TRIP13: variants seen among roughly 807,000 people sequenced by gnomAD.
The protein encoded by TRIP13 is thyroid hormone receptor interactor 13, also known as pachytene checkpoint protein 2 homolog.
In TRIP13, 25 loss-of-function variants were observed where a neutral mutation model predicts 54.4. That is an observed-to-expected ratio of 0.46 (90% CI 0.33 to 0.64). The LOEUF is 0.64. Ranked by LOEUF, TRIP13 falls within the 30% of genes least tolerant of loss-of-function variation. The probability of loss-of-function intolerance (pLI) is 0.02; values close to 1 mark genes in which losing one functional copy is unlikely to be tolerated. For synonymous variants in TRIP13, 207 were observed against 207.8 expected, an observed-to-expected ratio of 1.00 and a Z score of 0.03; for missense variants, 373 against 534.2, an observed-to-expected ratio of 0.70 and a Z score of 2.97.
rs554214323 is a variant in TRIP13, at chr5:911,585, A to T, written c.867-258A>T. ...GACTCTGTCTCAAAAAAAAAAAAAA[A>T]GGAAAGTGAGATCCTTGCCAAGGTT... On this transcript the variant is annotated intron_variant, in intron 9 of 12. Transcript: ENST00000166345. This position sits in a 1 kb window ranked among gnomAD's most constrained non-coding sequence, Gnocchi z 4.7. Among the ~76,000 whole-genome samples, 3 of 150,940 alleles carry T rather than the reference A, an allele frequency of 2.0e-5. No individual in the cohort carries two copies. The highest frequency in any genetic ancestry group is 7.3e-5 in the African/African-American group (3 of 41,178).
intron 12 of TRIP13, among the ~76,000 whole-genome samples, chr5:916,215 C>T (rs543738463): frequency 2.6e-5 from 4 of 152,350 alleles, no homozygotes; most frequent in Admixed American, 2.0e-4. Context: ...CACACATGCA[C>T]GTCTGCCTCT....
rs1386742165 is a variant in TRIP13, at chr5:907,402, G to A, written c.672+209G>A. Among the ~76,000 whole-genome samples, 2 of 152,220 alleles carry A rather than the reference G, an allele frequency of 1.3e-5. No homozygotes were observed. The highest frequency in any genetic ancestry group is 1.5e-5 in the Non-Finnish European group (1 of 68,036). ...TCTCCCCAGACCTGTGACTGGGTGGGACAGGACAATCGATGGACTCTCAGA... is the reference window on the plus strand; with the variant it reads ...TCTCCCCAGACCTGTGACTGGGTGGAACAGGACAATCGATGGACTCTCAGA... On this transcript the variant is annotated intron_variant, in intron 7 of 12. Transcript: ENST00000166345. The surrounding 1 kb of genome is among the most constrained non-coding windows in gnomAD (Gnocchi z 4.1).
At chr5:902,444 G>T (rs1369966020) in intron 5 of TRIP13, among the ~76,000 whole-genome samples, 1 of 152,186 alleles carries the variant, frequency 6.6e-6, no homozygotes. Flanking sequence ...GAAATAAGTT[G>T]TTTCTGTTTG....
intron 3 of TRIP13, 122 bp from the exon 4 acceptor site, chr5:900,372 A>T: frequency 1.1e-6 from 1 of 939,156 alleles, no homozygotes. Flanking sequence ...TGTAATCAGA[A>T]TCATAGTCTT....
At chr5:902,876 CAG>C (rs577290763) in intron 5 of TRIP13, among the ~76,000 whole-genome samples, 4 of 151,864 alleles carry the variant, frequency 2.6e-5, no homozygotes, top group Non-Finnish European at 5.9e-5. Flanking sequence ...GCAGCTGAGG[CAG>C]AGAGAGAGAA....
Position 912,660 on chromosome 5 carries a change from CAGTA to C in TRIP13, c.1020+667_1020+670del, listed in dbSNP as rs1430600017. 2.0e-5 allele frequency among the ~76,000 whole-genome samples: 3 copies of C among 151,492 alleles called. No individual in the cohort carries two copies. The highest frequency in any genetic ancestry group is 4.4e-5 in the Non-Finnish European group (3 of 67,916). ...AATGACATGTGCGGTGAGTGTGAGT[CAGTA>C]AGGCCGTCGCCATGGGCACAGTGAC... On this transcript the variant is annotated intron_variant, in intron 10 of 12. Coordinates refer to ENST00000166345, the MANE Select transcript of TRIP13 (RefSeq NM_004237.4). The surrounding 1 kb of genome is among the most constrained non-coding windows in gnomAD (Gnocchi z 7.2).
chr5:906,680 C>T (rs985915587), intron 6 of TRIP13, among the ~76,000 whole-genome samples: 2 of 152,110 alleles, frequency 1.3e-5, no homozygotes, highest in Non-Finnish European at 2.9e-5. Flanking sequence ...TTTCTGGGTT[C>T]CAGTCAGTCT....
In TRIP13 at chr5:895,016, G is replaced by C; in HGVS notation, c.258+64G>C. On this transcript the variant is annotated intron_variant, in intron 2 of 12. Transcript: ENST00000166345. ...GAATACAAAAGGTTGTATCATGAAT[G>C]TCTTGCCGTTTTCATAGCCTGTTGT... is the stretch of plus-strand genomic sequence containing the variant. 4.0e-6 allele frequency: 6 copies of C among 1,506,098 alleles called. No homozygotes were observed. The Admixed American group carries it at 6.4e-5, about 16-fold the overall frequency. 93.3% of individuals were successfully genotyped at this position (1,506,098 alleles called of 1,614,324 possible). A position where few individuals can be genotyped will look rare whatever the true frequency, so the allele number is the denominator to read the frequency against.
chr5:914,422 C>G lies in TRIP13; in HGVS notation c.1021-43C>G, dbSNP rs554362198. On this transcript the variant is annotated intron_variant, in intron 10 of 12. Transcript: ENST00000166345. Reference sequence around the variant, plus strand: ...CTTGCTGACGGTGCCTACGCTCAGGCCTCTGTGGACTCAGCTAACCGCCTG... The same window carrying G: ...CTTGCTGACGGTGCCTACGCTCAGGGCTCTGTGGACTCAGCTAACCGCCTG... 10 of 1,450,082 alleles carry G rather than the reference C, an allele frequency of 6.9e-6. No homozygotes were observed. The East Asian group carries it at 1.4e-4, about 20-fold the overall frequency. The allele number at this position is 1,450,082 out of a possible 1,614,324, so 89.8% of individuals were successfully genotyped here.
In TRIP13 at chr5:907,114, C is replaced by T. The variant is rs751935242; in HGVS notation, c.609-16C>T. 4.3e-6 allele frequency: 7 copies of T among 1,613,256 alleles called. No individual in the cohort carries two copies. Among genetic ancestry groups the T allele is most frequent in the African/African-American group, 2.7e-5 (2 of 75,004 alleles). Reference sequence around the variant, plus strand: ...GACCAGTTAGTAATTCTCTCAACTCCTTTTTTCTATCTCAGGTACCGATAT... The same window carrying T: ...GACCAGTTAGTAATTCTCTCAACTCTTTTTTTCTATCTCAGGTACCGATAT... On this transcript the variant is annotated splice_polypyrimidine_tract_variant and intron_variant, in intron 6 of 12. Coordinates refer to ENST00000166345, the MANE Select transcript of TRIP13 (RefSeq NM_004237.4). The surrounding 1 kb of genome is among the most constrained non-coding windows in gnomAD (Gnocchi z 4.1).
In TRIP13 at chr5:912,348, G is replaced by A. The variant is rs1754253459; in HGVS notation, c.1020+352G>A. 6.6e-6 allele frequency among the ~76,000 whole-genome samples: 1 copy of A among 152,110 alleles called. No homozygotes were observed. Among genetic ancestry groups the A allele is most frequent in the South Asian group, 2.1e-4 (1 of 4,812 alleles). On this transcript the variant is annotated intron_variant, in intron 10 of 12. Coordinates refer to ENST00000166345, the MANE Select transcript of TRIP13 (RefSeq NM_004237.4). This position sits in a 1 kb window ranked among gnomAD's most constrained non-coding sequence, Gnocchi z 7.2. Reference sequence around the variant, plus strand: ...TTTTCCAATGCCCTGCCTCTCGGGGGCCTGTATCCTTACCTGAAAGAGGAA... The same window carrying A: ...TTTTCCAATGCCCTGCCTCTCGGGGACCTGTATCCTTACCTGAAAGAGGAA...
In TRIP13 at chr5:904,227, T is replaced by C; in HGVS notation, c.608+7T>C. The C allele has an allele frequency of 6.2e-7, 1 of 1,605,826 alleles. No individual in the cohort carries two copies. The highest frequency in any genetic ancestry group is 8.5e-7 in the Non-Finnish European group (1 of 1,177,344). Reference sequence around the variant, plus strand: ...CAATTAGACTTTCAAGCAGGTAACTTTCGGTAATCTGTGAGAGGAGAGCCA... The same window carrying C: ...CAATTAGACTTTCAAGCAGGTAACTCTCGGTAATCTGTGAGAGGAGAGCCA... On this transcript the variant is annotated splice_region_variant and intron_variant, in intron 6 of 12. Coordinates refer to ENST00000166345, the MANE Select transcript of TRIP13 (RefSeq NM_004237.4).
chr5:893,214 C>A, intron 1 of TRIP13, 124 bp downstream of exon 1: 4 of 966,320 alleles, frequency 4.1e-6, no homozygotes, highest in Non-Finnish European at 6.0e-6. Context: ...CTGATCCGGC[C>A]CGACTGGACC....
chr5:896,556 T>C, intron 2 of TRIP13, 109 bp from the exon 3 acceptor site: 1 of 1,196,648 alleles, frequency 8.4e-7, no homozygotes, highest in African/African-American at 1.5e-5. Flanking sequence ...TAGCTTTGAT[T>C]ATACTGTACA....
At position 908,221 on chromosome 5, in the gene TRIP13, C is replaced by A. The variant is rs983526915; in HGVS notation, c.760-134C>A. 2.9e-6 allele frequency: 4 copies of A among 1,375,328 alleles called. No individual in the cohort carries two copies. The East Asian group carries it at 9.3e-5, about 32-fold the overall frequency. The allele number at this position is 1,375,328 out of a possible 1,614,324, so 85.2% of individuals were successfully genotyped here. ...TGCACTGTGCGCCTTTCCACCTTGC[C>A]GCAGCATCCGCAGGCTAGGCACGGG... is the stretch of plus-strand genomic sequence containing the variant. On this transcript the variant is annotated intron_variant, in intron 8 of 12. Coordinates refer to ENST00000166345, the MANE Select transcript of TRIP13 (RefSeq NM_004237.4). The surrounding 1 kb of genome is among the most constrained non-coding windows in gnomAD (Gnocchi z 5.2).
intron 6 of TRIP13, among the ~76,000 whole-genome samples, chr5:904,485 C>T (rs532410976): frequency 3.9e-5 from 6 of 152,232 alleles, no homozygotes; most frequent in South Asian, 2.1e-4. Context: ...ATGCAGTGTT[C>T]GTCTCTAATT....
Position 907,666 on chromosome 5 carries a change from A to C in TRIP13, c.673-322A>C, listed in dbSNP as rs1412178647. On this transcript the variant is annotated intron_variant, in intron 7 of 12. Transcript: ENST00000166345. This position sits in a 1 kb window ranked among gnomAD's most constrained non-coding sequence, Gnocchi z 4.1. The stretch of plus-strand genomic sequence containing the variant: ...GAGGAGTGCATCCCAGCCTGTTTGC[A>C]TCTGTGGTCTGCCTCTTTTCCTCAT... 6.6e-6 allele frequency among the ~76,000 whole-genome samples: 1 copy of C among 152,214 alleles called. No individual in the cohort carries two copies. Among genetic ancestry groups the C allele is most frequent in the Non-Finnish European group, 1.5e-5 (1 of 68,030 alleles).
intron 11 of TRIP13, among the ~76,000 whole-genome samples, chr5:914,896 G>T (rs1754313001): frequency 6.6e-6 from 1 of 152,180 alleles, no homozygotes; most frequent in Non-Finnish European, 1.5e-5. Flanking sequence ...ATGGCTTTGG[G>T]GGTCCAGGGA....
chr5:908,653 TAGTGTGTTAAAAATGTAATAGA>T lies in TRIP13; in HGVS notation c.866+195_866+216del. The T allele has an allele frequency of 7.1e-7, 1 of 1,417,520 alleles. No individual in the cohort carries two copies. Among genetic ancestry groups the T allele is most frequent in the Middle Eastern group, 1.9e-4 (1 of 5,404 alleles). The allele number at this position is 1,417,520 out of a possible 1,614,324, so 87.8% of individuals were successfully genotyped here. A position where few individuals can be genotyped will look rare whatever the true frequency, so the allele number is the denominator to read the frequency against. ...AAATGCTTTTTAAAGAAATTGTTTTTAGTGTGTTAAAAATGTAATAGAAGGCCAGGCGCGGTGGCTCACACCT... is the reference window on the plus strand; with the variant it reads ...AAATGCTTTTTAAAGAAATTGTTTTTAGGCCAGGCGCGGTGGCTCACACCT... On this transcript the variant is annotated intron_variant, in intron 9 of 12. Coordinates refer to ENST00000166345, the MANE Select transcript of TRIP13 (RefSeq NM_004237.4). The surrounding 1 kb of genome is among the most constrained non-coding windows in gnomAD (Gnocchi z 5.2).
Sources: gnomAD v4.1 joint callset for allele counts (sites outside exome capture counted in the v4.1 genomes callset) on GRCh38, gnomAD v4.1.1 for gene constraint, Gnocchi (gnomAD v3.1) non-coding constraint, MANE v1.5 for transcripts, NCBI Gene and HGNC (gene_info 2026-07-23, HGNC 2026-07-21) for gene names.